Variants in TBP observed in about 807,000 individuals in gnomAD.
TBP encodes TATA-box-binding protein.
TBP carries 12 observed loss-of-function variants against 46.2 expected under a neutral mutation model. The observed-to-expected ratio is 0.26, with a 90% CI of 0.17 to 0.42. TBP has a LOEUF of 0.42. TBP is among the 10% of genes least tolerant of loss of function. The probability of loss-of-function intolerance (pLI) is 1.00; values close to 1 mark genes in which losing one functional copy is unlikely to be tolerated. For missense variants in TBP, 229 were observed against 403.1 expected, an observed-to-expected ratio of 0.57 and a Z score of 3.70; for synonymous variants, 157 against 148.3, an observed-to-expected ratio of 1.06 and a Z score of -0.42.
chr6:170,563,987 A>T, intron 3 of TBP, among the ~76,000 whole-genome samples: 1 of 152,028 alleles, frequency 6.6e-6, no homozygotes, highest in East Asian at 1.9e-4. Flanking sequence ...GGCTCCATTT[A>T]TCCTTATTTA....
chr6:170,571,517 A>C lies in TBP; in HGVS notation c.940+13A>C. On this transcript the variant is annotated intron_variant, in intron 7 of 7. Transcript: ENST00000392092. ...GTTGTATTAACAGGTAAGTTGTAAC[A>C]GGAAGTAGTATCTGAAAGTTTGTAA... The C allele has an allele frequency of 6.4e-7, 1 of 1,571,696 alleles. No homozygotes were observed. Among genetic ancestry groups the C allele is most frequent in the Non-Finnish European group, 8.8e-7 (1 of 1,141,934 alleles).
chr6:170,569,504 G>C, intron 5 of TBP, 108 bp from the exon 6 acceptor site: 1 of 927,396 alleles, frequency 1.1e-6, no homozygotes, highest in East Asian at 2.7e-5. Context: ...AGGCTGACCA[G>C]TTTACACTTT....
At position 170,571,469 on chromosome 6, in the gene TBP, T is replaced by A; in HGVS notation, c.905T>A (p.Leu302His). The A allele has an allele frequency of 6.2e-7, 1 of 1,614,018 alleles. No homozygotes were observed. The highest frequency in any genetic ancestry group is 8.5e-7 in the Non-Finnish European group (1 of 1,179,924). The change falls in exon 7 of 8, where the codon CTC becomes CAC. Residue 302 changes from leucine to histidine, a missense_variant. Transcript: ENST00000392092. ...AGAATGATCAAACCCAGAATTGTTC[T>A]CCTTATTTTTGTTTCTGGAAAAGTT... Reference protein sequence around the residue: ...IYRMIKPRIVLLIFVSGKVVL... With the variant: ...IYRMIKPRIVHLIFVSGKVVL...
intron 5 of TBP, among the ~76,000 whole-genome samples, chr6:170,568,222 C>G (rs1779300903): frequency 1.3e-5 from 2 of 152,138 alleles, no homozygotes; most frequent in African/African-American, 4.8e-5. Context: ...ACATCAGAAA[C>G]TTTTGGTTTA....
chr6:170,567,876 A>G (rs1229575850), intron 5 of TBP, among the ~76,000 whole-genome samples: 1 of 152,254 alleles, frequency 6.6e-6, no homozygotes, highest in Admixed American at 6.5e-5. Context: ...TATACTTGGT[A>G]GAAGTCAAAA....
chr6:170,556,966 A>T lies in TBP; in HGVS notation c.-64A>T, dbSNP rs1779041832. The T allele has an allele frequency of 6.5e-7, 1 of 1,545,470 alleles. No homozygotes were observed. Among genetic ancestry groups the T allele is most frequent in the Non-Finnish European group, 8.9e-7 (1 of 1,119,700 alleles). ...GTGTGCTGGAGATGCTCTAGGAAAA[A>T]ATTGAATAGTGAGACGAGTTCCAGC... On this transcript the variant is annotated 5_prime_UTR_variant, in exon 2 of 8. Coordinates refer to ENST00000392092, the MANE Select transcript of TBP (RefSeq NM_003194.5).
chr6:170,570,662 G>T (rs1333652960), intron 6 of TBP, among the ~76,000 whole-genome samples: 1 of 152,042 alleles, frequency 6.6e-6, no homozygotes, highest in Admixed American at 6.6e-5. Flanking sequence ...GTGAAACCTC[G>T]TCTTTACTAA....
At chr6:170,571,134 G>A (rs1476425313) in intron 6 of TBP, among the ~76,000 whole-genome samples, 7 of 152,136 alleles carry the variant, frequency 4.6e-5, no homozygotes, top group African/African-American at 1.7e-4. Context: ...TAACTACAGG[G>A]CTCTTTTTCT....
intron 4 of TBP, among the ~76,000 whole-genome samples, chr6:170,565,030 G>T (rs1779219195): frequency 7.6e-6 from 1 of 130,866 alleles, no homozygotes; most frequent in Admixed American, 7.6e-5. Flanking sequence ...GGTGGCATGC[G>T]CCTGTAATCC....
At chr6:170,555,427 CTGA>C (rs1779001240) in intron 1 of TBP, among the ~76,000 whole-genome samples, 1 of 151,870 alleles carries the variant, frequency 6.6e-6, no homozygotes, top group Admixed American at 6.5e-5. Context: ...TTGAAAACTC[CTGA>C]TAGTATGAGC....
chr6:170,562,555 G>A (rs1227502433), intron 3 of TBP, among the ~76,000 whole-genome samples: 2 of 152,144 alleles, frequency 1.3e-5, no homozygotes, highest in Non-Finnish European at 2.9e-5. Flanking sequence ...AAATCACAAT[G>A]TTAGGTAGTC....
intron 3 of TBP, among the ~76,000 whole-genome samples, chr6:170,563,998 C>T (rs865904772): frequency 6.6e-6 from 1 of 151,192 alleles, no homozygotes; most frequent in Non-Finnish European, 1.5e-5. Flanking sequence ...TCCTTATTTA[C>T]TGAGAGTTAA....
intron 2 of TBP, among the ~76,000 whole-genome samples, chr6:170,560,850 A>T (rs1333379164): frequency 1.3e-5 from 2 of 152,208 alleles, no homozygotes. Flanking sequence ...CTTGAGATAG[A>T]ATTGACTCCT....
chr6:170,566,843 G>T, intron 4 of TBP, 75 bp from the exon 5 acceptor site: 7 of 1,294,764 alleles, frequency 5.4e-6, no homozygotes, highest in Admixed American at 3.8e-5. Context: ...TGATTTTTTT[G>T]TCAATGGGTG....
rs1454616342 is a variant in TBP, at chr6:170,568,822, T to C, written c.678-790T>C. On this transcript the variant is annotated intron_variant, in intron 5 of 7. Coordinates refer to ENST00000392092, the MANE Select transcript of TBP (RefSeq NM_003194.5). ...CTTTCTTTCTTTCCTTTTCTTTTTT[T>C]TTTTTTTTTTTTTTTTTTTTGGTGG... 7.4e-5 allele frequency among the ~76,000 whole-genome samples: 8 copies of C among 108,538 alleles called. 2 individuals carry two copies. Among genetic ancestry groups the C allele is most frequent in the Non-Finnish European group, 1.6e-4 (8 of 51,362 alleles). The allele number at this position is 108,538 out of a possible 152,430, so 71.2% of individuals were successfully genotyped here.
At chr6:170,571,320 T>C in intron 6 of TBP, 90 bp from the exon 7 acceptor site, 4 of 828,490 alleles carry the variant, frequency 4.8e-6, no homozygotes, top group Non-Finnish European at 7.9e-6. Flanking sequence ...CTAGTTTGTT[T>C]ATTCAGTATT....
Position 170,572,253 on chromosome 6 carries a change from G to T in TBP, c.1008G>T (p.Arg336Ser), listed in dbSNP as rs1347718096. ...ENIYPILKGFRKTT is the reference protein window; with the variant it reads ...ENIYPILKGFSKTT ...TCTACCCTATTCTAAAGGGATTCAG[G>T]AAGACGACGTAATGGCTCTCATGTA... The change falls in exon 8 of 8, where the codon AGG becomes AGT. Residue 336 changes from arginine (R) to serine (S), a missense_variant. Physicochemically the swap from Arg to Ser is moderately radical, Grantham distance 110. Coordinates refer to ENST00000392092, the MANE Select transcript of TBP (RefSeq NM_003194.5). 5 of 1,613,284 alleles carry T rather than the reference G, an allele frequency of 3.1e-6. No individual in the cohort carries two copies.
chr6:170,556,897 G>A lies in TBP; in HGVS notation c.-133G>A. 1.2e-6 allele frequency: 1 copy of A among 810,570 alleles called. No individual in the cohort carries two copies. The highest frequency in any genetic ancestry group is 1.7e-5 in the South Asian group (1 of 60,526). The allele number at this position is 810,570 out of a possible 1,614,324, so 50.2% of individuals were successfully genotyped here. A position where few individuals can be genotyped will look rare whatever the true frequency, so the allele number is the denominator to read the frequency against. On this transcript the variant is annotated 5_prime_UTR_variant, in exon 2 of 8. Transcript: ENST00000392092. The stretch of plus-strand genomic sequence containing the variant: ...TCCAAAGCAGCATCACTGTTTCTTG[G>A]CGTGTGAAGATAACCCAAGGAATTG...
intron 5 of TBP, among the ~76,000 whole-genome samples, chr6:170,568,682 T>C (rs1779311351): frequency 6.6e-6 from 1 of 151,838 alleles, no homozygotes; most frequent in Admixed American, 6.6e-5. Flanking sequence ...CTCAATCTCC[T>C]GACCTCATGA....
Sources: allele counts gnomAD v4.1 joint callset (sites outside exome capture counted in the v4.1 genomes callset), GRCh38; gene constraint gnomAD v4.1.1; transcripts MANE v1.5; gene names NCBI Gene and HGNC (gene_info 2026-07-23, HGNC 2026-07-21).